ANKRD45: variants seen among roughly 807,000 people sequenced by gnomAD.
ANKRD45 encodes ankyrin repeat domain-containing protein 45.
A neutral mutation model predicts 28.1 loss-of-function variants in ANKRD45; 21 were observed. The ratio of observed to expected loss-of-function variants is 0.75; its 90% CI spans 0.53 to 1.08. The LOEUF (loss-of-function observed/expected upper bound fraction) is 1.08. Among genes scored for constraint, ANKRD45 ranks in the 50% least tolerant of loss-of-function variants. ANKRD45 has a pLI of 0.00. For missense variants in ANKRD45, 261 were observed against 308.7 expected (o/e 0.85, Z 1.16); for synonymous variants, 86 against 103.9 (o/e 0.83, Z 1.05).
chr1:173,714,777 C>T, the ANKRD45 span, among the ~76,000 whole-genome samples: 227 of 152,298 alleles, frequency 1.5e-3, 1 homozygote, highest in African/African-American at 5.2e-3. Context: ...AATGGTTACT[C>T]TTGGGATACA....
chr1:173,687,770 A>T, the ANKRD45 span, among the ~76,000 whole-genome samples: 1 of 152,110 alleles, frequency 6.6e-6, no homozygotes, highest in Non-Finnish European at 1.5e-5. Context: ...ATTATTAGGT[A>T]ATTTTCCTAA....
At chr1:173,698,154 C>T in the ANKRD45 span, among the ~76,000 whole-genome samples, 2 of 152,106 alleles carry the variant, frequency 1.3e-5, no homozygotes, top group Non-Finnish European at 2.9e-5. Context: ...ACAGGAGCAC[C>T]CAGATTCATA....
chr1:173,627,297 A>G (rs1667981423), intron 3 of ANKRD45, 138 bp from the exon 4 acceptor site: 1 of 621,850 alleles, frequency 1.6e-6, no homozygotes. Flanking sequence ...AAAAAGCACC[A>G]ACATGAGAAC....
chr1:173,704,099 G>A, the ANKRD45 span, among the ~76,000 whole-genome samples: 6 of 152,192 alleles, frequency 3.9e-5, no homozygotes, highest in Non-Finnish European at 7.4e-5. Flanking sequence ...CTCATGTCCC[G>A]CGGTGGGGAG....
the ANKRD45 span, among the ~76,000 whole-genome samples, chr1:173,691,951 T>C: frequency 6.6e-6 from 1 of 152,152 alleles, no homozygotes; most frequent in Non-Finnish European, 1.5e-5. Flanking sequence ...TGGGCTAAAC[T>C]AATACTGATT....
the ANKRD45 span, among the ~76,000 whole-genome samples, chr1:173,696,897 A>G: frequency 3.5e-4 from 53 of 152,294 alleles, 1 homozygote; most frequent in Admixed American, 3.5e-3. Flanking sequence ...CAAACCCACA[A>G]CAAGGAAGCT....
the ANKRD45 span, among the ~76,000 whole-genome samples, chr1:173,698,870 A>G: frequency 2.0e-5 from 3 of 152,286 alleles, no homozygotes; most frequent in South Asian, 4.2e-4. Context: ...AAAAAAATCA[A>G]TGAATCCAGG....
the ANKRD45 span, among the ~76,000 whole-genome samples, chr1:173,676,684 A>C: frequency 6.6e-6 from 1 of 152,076 alleles, no homozygotes; most frequent in Admixed American, 6.6e-5. Flanking sequence ...GTTTTAGGGC[A>C]GCCATAAAGA....
chr1:173,690,754 G>A, the ANKRD45 span, among the ~76,000 whole-genome samples: 3 of 152,198 alleles, frequency 2.0e-5, no homozygotes, highest in East Asian at 1.9e-4. Flanking sequence ...GAATATCTTC[G>A]TTACCATCTT....
chr1:173,710,706 G>C, the ANKRD45 span, among the ~76,000 whole-genome samples: 1 of 152,162 alleles, frequency 6.6e-6, no homozygotes, highest in East Asian at 1.9e-4. Context: ...AGATCTTATT[G>C]AGACGCTGCC....
rs762161516 is a variant in ANKRD45, at chr1:173,659,192, A to G, written c.227T>C (p.Val76Ala). The G allele has an allele frequency of 1.9e-6, 3 of 1,614,110 alleles. No individual in the cohort carries two copies. The highest frequency in any genetic ancestry group is 2.5e-6 in the Non-Finnish European group (3 of 1,180,024). The change falls in exon 2 of 6, where the codon GTT becomes GCT. Residue 76 changes from valine to alanine, a missense_variant. Val to Ala is a moderately conservative substitution (Grantham distance 64). Transcript: ENST00000333279. ...AGCTGCATACAACAAATTTCTCCCA[A>G]CGATGTCTTCTTCTAAGAGAAGCTG... is the stretch of plus-strand genomic sequence containing the variant. ...AMQLLLEEDIVGRNLLYAACM... is the reference protein window; with the variant it reads ...AMQLLLEEDIAGRNLLYAACM...
At chr1:173,652,163 T>C (rs1268219697) in intron 2 of ANKRD45, among the ~76,000 whole-genome samples, 1 of 152,148 alleles carries the variant, frequency 6.6e-6, no homozygotes, top group African/African-American at 2.4e-5. Context: ...AGGGCATCCC[T>C]GTCTTGTGCC....
chr1:173,636,881 A>T (rs1240469210), intron 3 of ANKRD45: 1 of 1,535,776 alleles, frequency 6.5e-7, no homozygotes, highest in African/African-American at 1.4e-5. Flanking sequence ...AAGCCCATTG[A>T]TCAACAACAT....
At chr1:173,699,295 A>G in the ANKRD45 span, among the ~76,000 whole-genome samples, 1 of 152,228 alleles carries the variant, frequency 6.6e-6, no homozygotes, top group Non-Finnish European at 1.5e-5. Flanking sequence ...CAATAGAAAA[A>G]GAGAGAATCC....
intron 3 of ANKRD45, among the ~76,000 whole-genome samples, chr1:173,643,354 A>G (rs1668787481): frequency 6.6e-6 from 1 of 151,652 alleles, no homozygotes; most frequent in Admixed American, 6.6e-5. Context: ...TTGTATTTTT[A>G]GTGGAGATGG....
In ANKRD45 at chr1:173,659,372, G is replaced by A; in HGVS notation, c.47C>T (p.Ser16Leu). 1.2e-6 allele frequency: 2 copies of A among 1,605,344 alleles called. No individual in the cohort carries two copies. Among genetic ancestry groups the A allele is most frequent in the Middle Eastern group, 1.7e-4 (1 of 5,990 alleles). ...PPESESSEFF[S>L]QQEEENEEEE... Reference sequence around the variant, plus strand: ...TTCTTCATTTTCCTCTTCTTGCTGTGAGAAAAATTCTGAACTCTCTGACTC... The same window carrying A: ...TTCTTCATTTTCCTCTTCTTGCTGTAAGAAAAATTCTGAACTCTCTGACTC... The change falls in exon 2 of 6, where the codon TCA becomes TTA. Residue 16 changes from serine (S) to leucine (L), a missense_variant. Coordinates refer to ENST00000333279, the MANE Select transcript of ANKRD45 (RefSeq NM_198493.3).
At chr1:173,703,207 A>ATTT in the ANKRD45 span, among the ~76,000 whole-genome samples, 1 of 140,276 alleles carries the variant, frequency 7.1e-6, no homozygotes, top group African/African-American at 2.6e-5. Flanking sequence ...TACCCAGCTA[A>ATTT]TTTTTTTTTT....
chr1:173,618,998 A>G (rs1168904912), intron 5 of ANKRD45, among the ~76,000 whole-genome samples: 2 of 152,252 alleles, frequency 1.3e-5, no homozygotes, highest in East Asian at 1.9e-4. Context: ...TTCTTAAAGA[A>G]AAGAATTTCC....
intron 4 of ANKRD45, among the ~76,000 whole-genome samples, chr1:173,625,369 A>G (rs1317216763): frequency 6.6e-6 from 1 of 152,200 alleles, no homozygotes; most frequent in Non-Finnish European, 1.5e-5. Flanking sequence ...TATGAGTTGC[A>G]TGCAACTCAA....
Sources: gnomAD v4.1 joint callset for allele counts (sites outside exome capture counted in the v4.1 genomes callset) on GRCh38, gnomAD v4.1.1 for gene constraint, MANE v1.5 for transcripts, NCBI Gene and HGNC (gene_info 2026-07-23, HGNC 2026-07-21) for gene names.